NDST3: variants seen among roughly 807,000 people sequenced by gnomAD.
NDST3 encodes the protein bifunctional heparan sulfate N-deacetylase/N-sulfotransferase 3.
NDST3 carries 58 observed loss-of-function variants against 96.1 expected under a neutral mutation model. That is an observed-to-expected ratio of 0.60 (90% CI 0.49 to 0.75). The LOEUF (loss-of-function observed/expected upper bound fraction) is 0.75. NDST3 is among the 30% of genes least tolerant of loss of function. NDST3 has a pLI of 0.00. For missense variants in NDST3, 788 were observed against 1,034.2 expected, an observed-to-expected ratio of 0.76 and a Z score of 3.27; for synonymous variants, 333 against 359.7, an observed-to-expected ratio of 0.93 and a Z score of 0.84.
At chr4:118,045,648 G>A (rs1258928654) in intron 1 of NDST3, among the ~76,000 whole-genome samples, 1 of 151,952 alleles carries the variant, frequency 6.6e-6, no homozygotes, top group African/African-American at 2.4e-5. Flanking sequence ...TCAAAATATT[G>A]TTCATTGTTT....
chr4:118,160,520 C>A (rs185221679), intron 6 of NDST3, among the ~76,000 whole-genome samples: 2 of 151,296 alleles, frequency 1.3e-5, no homozygotes, highest in African/African-American at 4.9e-5. Flanking sequence ...CATGAACAGA[C>A]ACTTTTCAAA....
In NDST3 at chr4:118,113,191, G is replaced by A. The variant is rs571385766; in HGVS notation, c.1070-1615G>A. Among the ~76,000 whole-genome samples, 3 of 152,262 alleles carry A rather than the reference G, an allele frequency of 2.0e-5. No individual in the cohort carries two copies. The South Asian group carries it at 6.2e-4, about 32-fold the overall frequency. ...TGAATACAGACATTAAAGAGGTCAT[G>A]TGACTTGGCCACACAACTCAAATAT... On this transcript the variant is annotated intron_variant, in intron 3 of 13. Coordinates refer to ENST00000296499, the MANE Select transcript of NDST3 (RefSeq NM_004784.3).
chr4:118,135,625 C>A lies in NDST3; in HGVS notation c.1225-2429C>A, dbSNP rs567730443. ...CATAGGTCATTTGCCAAAAGCCATG[C>A]AGTTGGTGAATGAGAGCATGAACAG... is the stretch of plus-strand genomic sequence containing the variant. On this transcript the variant is annotated intron_variant, in intron 4 of 13. Coordinates refer to ENST00000296499, the MANE Select transcript of NDST3 (RefSeq NM_004784.3). Among the ~76,000 whole-genome samples the A allele has an allele frequency of 4.6e-5, 7 of 152,234 alleles. No individual in the cohort carries two copies. In the South Asian group the frequency reaches 1.5e-3, roughly 32 times the overall value.
At chr4:118,198,406 A>C (rs1737841223) in intron 6 of NDST3, among the ~76,000 whole-genome samples, 1 of 152,236 alleles carries the variant, frequency 6.6e-6, no homozygotes, top group Non-Finnish European at 1.5e-5. Flanking sequence ...TGATAATAAC[A>C]CTGTTTGCAT....
intron 4 of NDST3, among the ~76,000 whole-genome samples, chr4:118,137,705 G>C (rs1733227038): frequency 6.6e-6 from 1 of 152,128 alleles, no homozygotes; most frequent in Non-Finnish European, 1.5e-5. Context: ...GCTTAGTTTT[G>C]TTTGTAATAA....
Position 118,175,181 on chromosome 4 carries a change from T to C in NDST3, c.1539+31497T>C, listed in dbSNP as rs572825432. On this transcript the variant is annotated intron_variant, in intron 6 of 13. Coordinates refer to ENST00000296499, the MANE Select transcript of NDST3 (RefSeq NM_004784.3). ...CTTGCCTCACAGAGGTACCTAGAGA[T>C]TTTTTCCAACAGAATCTTTCTGCCT... 1.1e-4 allele frequency among the ~76,000 whole-genome samples: 17 copies of C among 152,170 alleles called. No homozygotes were observed. In the South Asian group the frequency reaches 3.3e-3, roughly 30 times the overall value.
intron 2 of NDST3, chr4:118,055,191 C>T: frequency 2.9e-6 from 1 of 346,808 alleles, no homozygotes; most frequent in East Asian, 6.4e-5. Flanking sequence ...AAACTATCTA[C>T]CTCAAAAAAA....
intron 6 of NDST3, among the ~76,000 whole-genome samples, chr4:118,209,651 TA>T (rs983788909): frequency 2.9e-4 from 44 of 152,166 alleles, no homozygotes; most frequent in African/African-American, 9.4e-4. Flanking sequence ...ATAAATGTTA[TA>T]AAAAAGACAA....
At chr4:118,166,513 A>T (rs1055968613) in intron 6 of NDST3, among the ~76,000 whole-genome samples, 2 of 151,966 alleles carry the variant, frequency 1.3e-5, no homozygotes, top group African/African-American at 4.8e-5. Context: ...CTCTCCAAAA[A>T]AACGGAATAG....
At chr4:118,103,918 C>G (rs1729961517) in intron 2 of NDST3, among the ~76,000 whole-genome samples, 2 of 152,174 alleles carry the variant, frequency 1.3e-5, no homozygotes, top group Non-Finnish European at 2.9e-5. Context: ...CCCAGAAGTT[C>G]TCTACCTCTG....
At chr4:118,129,572 T>C (rs1732427893) in intron 4 of NDST3, among the ~76,000 whole-genome samples, 1 of 152,124 alleles carries the variant, frequency 6.6e-6, no homozygotes, top group Admixed American at 6.6e-5. Flanking sequence ...TTTAGATTTG[T>C]GTAAATGTTT....
intron 6 of NDST3, among the ~76,000 whole-genome samples, chr4:118,158,563 CAATT>C (rs1421548567): frequency 1.3e-5 from 2 of 152,146 alleles, no homozygotes; most frequent in Non-Finnish European, 2.9e-5. Flanking sequence ...CCAATGAAAA[CAATT>C]GATTGAAAAA....
chr4:118,221,175 C>A (rs1184771470), intron 6 of NDST3, among the ~76,000 whole-genome samples: 1 of 152,000 alleles, frequency 6.6e-6, no homozygotes, highest in Non-Finnish European at 1.5e-5. Flanking sequence ...CACCCAGAAG[C>A]ATACTAAAGC....
At chr4:118,114,981 C>T (rs1360836384) in intron 4 of NDST3, 21 bp downstream of exon 4, 2 of 1,611,760 alleles carry the variant, frequency 1.2e-6, no homozygotes, top group Non-Finnish European at 1.7e-6. Flanking sequence ...CACTTTGTTG[C>T]ATTGAAGTAG....
In NDST3 at chr4:118,051,579, T is replaced by TA. The variant is rs1725080600; in HGVS notation, c.-155-2172dup. ...TAAGAAAGAAACAACCAACCCCCTT[T>TA]AAAAACAGGCAAAGGACATGAGCAG... On this transcript the variant is annotated intron_variant, in intron 1 of 13. Coordinates refer to ENST00000296499, the MANE Select transcript of NDST3 (RefSeq NM_004784.3). Among the ~76,000 whole-genome samples, 3 of 151,922 alleles carry TA rather than the reference T, an allele frequency of 2.0e-5. No homozygotes were observed. In the South Asian group the frequency reaches 6.2e-4, roughly 32 times the overall value.
chr4:118,066,215 CATAAT>C (rs1181069546), intron 2 of NDST3, among the ~76,000 whole-genome samples: 4 of 46,230 alleles, frequency 8.7e-5, no homozygotes, highest in East Asian at 5.9e-4. Flanking sequence ...ATATATTATA[CATAAT>C]ATATTATATA....
intron 12 of NDST3, among the ~76,000 whole-genome samples, chr4:118,244,279 C>T (rs1456258440): frequency 1.3e-5 from 2 of 152,158 alleles, no homozygotes; most frequent in African/African-American, 4.8e-5. Flanking sequence ...AACCTGTCTT[C>T]ACAATTTAGT....
At chr4:118,201,157 T>C (rs531300817) in intron 6 of NDST3, among the ~76,000 whole-genome samples, 5,783 of 152,346 alleles carry the variant, frequency 0.038, 127 homozygotes, top group Non-Finnish European at 0.061. Context: ...GGTGTGTATA[T>C]ACAGCATTTT....
At chr4:118,209,284 G>A (rs1245892827) in intron 6 of NDST3, among the ~76,000 whole-genome samples, 2 of 152,148 alleles carry the variant, frequency 1.3e-5, no homozygotes, top group Non-Finnish European at 2.9e-5. Context: ...TCTATCATAA[G>A]AAGTAACTGT....
Sources: allele counts gnomAD v4.1 joint callset (sites outside exome capture counted in the v4.1 genomes callset), GRCh38; gene constraint gnomAD v4.1.1; transcripts MANE v1.5; gene names NCBI Gene and HGNC (gene_info 2026-07-23, HGNC 2026-07-21).